The following PCBP3 variants were observed in gnomAD, a reference collection of about 807,000 sequenced individuals.
The protein encoded by PCBP3 is poly(rC)-binding protein 3.
In PCBP3, 25 loss-of-function variants were observed where a neutral mutation model predicts 52.7. That is an observed-to-expected ratio of 0.47 (90% confidence interval 0.35 to 0.66). PCBP3 has a LOEUF of 0.66. Ranked by LOEUF, PCBP3 falls within the 30% of genes least tolerant of loss-of-function variation. The pLI is 0.01. For synonymous variants in PCBP3, 162 were observed against 183.0 expected (o/e 0.89, Z 0.93); for missense variants, 391 against 490.3 (o/e 0.80, Z 1.91).
intron 1 of PCBP3, among the ~76,000 whole-genome samples, chr21:45,667,949 A>G (rs2080914758): frequency 6.6e-6 from 1 of 152,174 alleles, no homozygotes; most frequent in South Asian, 2.1e-4. Flanking sequence ...GTACTTGAAT[A>G]GTTTAGTGGT....
At chr21:45,871,283 G>T (rs1023311862) in intron 5 of PCBP3, 1 of 161,328 alleles carries the variant, frequency 6.2e-6, no homozygotes, top group East Asian at 1.9e-4. Context: ...CAGTGCCCGG[G>T]AGAGACGGGC....
Position 45,896,202 on chromosome 21 carries a change from C to T in PCBP3, c.11-6C>T, listed in dbSNP as rs1206171756. On this transcript the variant is annotated splice_polypyrimidine_tract_variant and splice_region_variant and intron_variant, in intron 5 of 17. Transcript: ENST00000681687. ...CTCTAGCAGCAGCTGTGCCTTCTCT[C>T]TCCAGGTGACGCCTTCTGGGCCCCA... 1.9e-6 allele frequency: 3 copies of T among 1,551,248 alleles called. No homozygotes were observed. Among genetic ancestry groups the T allele is most frequent in the Admixed American group, 2.0e-5 (1 of 51,012 alleles).
chr21:45,707,542 A>C (rs1030848771), intron 2 of PCBP3, among the ~76,000 whole-genome samples: 1 of 152,106 alleles, frequency 6.6e-6, no homozygotes, highest in African/African-American at 2.4e-5. Context: ...TAAATAATAA[A>C]ATAAATAAAA....
intron 1 of PCBP3, among the ~76,000 whole-genome samples, chr21:45,649,141 G>A (rs757243412): frequency 6.6e-6 from 1 of 152,218 alleles, no homozygotes; most frequent in African/African-American, 2.4e-5. Context: ...GCCTCACAAT[G>A]ATGGCGGAAG....
chr21:45,725,846 C>T (rs1444524470), intron 2 of PCBP3, among the ~76,000 whole-genome samples: 2 of 140,664 alleles, frequency 1.4e-5, no homozygotes, highest in Non-Finnish European at 3.0e-5. Flanking sequence ...GTGCATGGAG[C>T]AAAGACCTGA....
intron 2 of PCBP3, among the ~76,000 whole-genome samples, chr21:45,731,307 A>G (rs575968453): frequency 3.3e-5 from 5 of 152,296 alleles, no homozygotes; most frequent in Admixed American, 6.5e-5. Flanking sequence ...CTCCAAAGCA[A>G]CGCCTCCCTG....
At chr21:45,862,522 G>C (rs996133421) in intron 5 of PCBP3, among the ~76,000 whole-genome samples, 1 of 151,888 alleles carries the variant, frequency 6.6e-6, no homozygotes, top group Non-Finnish European at 1.5e-5. Flanking sequence ...GGTCCTTCTG[G>C]GTAATGATCA....
At chr21:45,815,354 GGTGAGTGGTGAGTGATGA>G (rs1337539228) in intron 4 of PCBP3, among the ~76,000 whole-genome samples, 10 of 53,974 alleles carry the variant, frequency 1.9e-4, no homozygotes, top group African/African-American at 2.5e-4. Flanking sequence ...AGTGATGAGT[GGTGAGTGGTGAGTGATGA>G]GTGAGTGGTG....
intron 2 of PCBP3, among the ~76,000 whole-genome samples, chr21:45,671,819 G>A (rs1239508164): frequency 1.3e-5 from 2 of 152,086 alleles, no homozygotes; most frequent in Non-Finnish European, 1.5e-5. Context: ...GTGGGGAGAG[G>A]GATTTTGACA....
chr21:45,865,851 C>T (rs998461956), intron 5 of PCBP3, among the ~76,000 whole-genome samples: 7 of 152,222 alleles, frequency 4.6e-5, no homozygotes, highest in African/African-American at 1.7e-4. Flanking sequence ...CAGGCGGGCT[C>T]AGGGTGTGCA....
At chr21:45,732,768 A>G (rs1260727450) in intron 2 of PCBP3, 1 of 151,220 alleles carries the variant, frequency 6.6e-6, no homozygotes. Flanking sequence ...TAATCCTCCA[A>G]CCTCAGCCTC....
At chr21:45,664,614 TTC>T in intron 1 of PCBP3, among the ~76,000 whole-genome samples, 1 of 104,980 alleles carries the variant, frequency 9.5e-6, no homozygotes, top group Non-Finnish European at 2.1e-5. Flanking sequence ...AATTTTTTTT[TTC>T]TTTTCTTTTT....
At chr21:45,663,589 C>G (rs1161047845) in intron 1 of PCBP3, among the ~76,000 whole-genome samples, 2 of 152,054 alleles carry the variant, frequency 1.3e-5, no homozygotes, top group African/African-American at 2.4e-5. Context: ...GTCTAGTTTT[C>G]TTCTGCGTAT....
chr21:45,924,952 C>T lies in PCBP3; in HGVS notation c.718-4965C>T, dbSNP rs796585283. The stretch of plus-strand genomic sequence containing the variant: ...AAGGTCGGGTGTGCGTGAGGAGATG[C>T]GAACACCGGGAACAGTCGTGTGGGT... On this transcript the variant is annotated intron_variant, in intron 13 of 17. Transcript: ENST00000681687. Among the ~76,000 whole-genome samples the T allele has an allele frequency of 2.8e-4, 13 of 45,924 alleles. 1 individual carries two copies. Among genetic ancestry groups the T allele is most frequent in the African/African-American group, 1.6e-3 (8 of 4,972 alleles). The allele number at this position is 45,924 out of a possible 152,430, so 30.1% of individuals were successfully genotyped here.
At chr21:45,819,643 A>G (rs1185755033) in intron 4 of PCBP3, among the ~76,000 whole-genome samples, 1 of 151,788 alleles carries the variant, frequency 6.6e-6, no homozygotes, top group Non-Finnish European at 1.5e-5. Flanking sequence ...TAGATTCTAC[A>G]GTCTTCCCCA....
In PCBP3 at chr21:45,940,159, C is replaced by A. The variant is rs1236183105; in HGVS notation, c.1039C>A (p.Pro347Thr). Residue 347 changes from proline to threonine, a missense_variant, in exon 17 of 18, where the codon CCG becomes ACG. Physicochemically the swap from Pro to Thr is conservative, Grantham distance 38 (BLOSUM62 -1). Transcript: ENST00000681687. ...SERQITITGTPANISLAQYLI... is the reference protein window; with the variant it reads ...SERQITITGTTANISLAQYLI... Reference sequence around the variant, plus strand: ...GCGTCAGATCACCATCACGGGGACCCCGGCCAACATCAGCCTTGCCCAGTA... The same window carrying A: ...GCGTCAGATCACCATCACGGGGACCACGGCCAACATCAGCCTTGCCCAGTA... 11 of 1,613,968 alleles carry A rather than the reference C, an allele frequency of 6.8e-6. No homozygotes were observed. Among genetic ancestry groups the A allele is most frequent in the Non-Finnish European group, 8.5e-6 (10 of 1,179,980 alleles).
chr21:45,654,298 A>G (rs1056468620), intron 1 of PCBP3, among the ~76,000 whole-genome samples: 4 of 149,804 alleles, frequency 2.7e-5, no homozygotes, highest in Non-Finnish European at 4.4e-5. Flanking sequence ...GGCCCTCTTT[A>G]GAAATTCCTT....
At chr21:45,930,764 C>T (rs779781898) in intron 14 of PCBP3, 22 bp from the exon 15 acceptor site, 1 of 1,072,922 alleles carries the variant, frequency 9.3e-7, no homozygotes, top group Non-Finnish European at 1.5e-6. Context: ...AACATTAAAC[C>T]TGTCTCTTCT....
At chr21:45,927,855 C>T (rs1391232479) in intron 13 of PCBP3, among the ~76,000 whole-genome samples, 9 of 152,304 alleles carry the variant, frequency 5.9e-5, no homozygotes, top group South Asian at 4.1e-4. Flanking sequence ...ATCTTGGAGC[C>T]GACTCCAACC....
Sources: gnomAD v4.1 joint callset for allele counts (sites outside exome capture counted in the v4.1 genomes callset) on GRCh38, gnomAD v4.1.1 for gene constraint, MANE v1.5 for transcripts, NCBI Gene and HGNC (gene_info 2026-07-23, HGNC 2026-07-21) for gene names.